The following SMPD3 variants were observed in gnomAD, a reference collection of about 807,000 sequenced individuals.
SMPD3 encodes sphingomyelin phosphodiesterase 3, also known as nSMase-2.
In SMPD3, 21 loss-of-function variants were observed where a neutral mutation model predicts 55.7. The observed-to-expected ratio is 0.38, with a 90% CI of 0.27 to 0.54. The LOEUF (loss-of-function observed/expected upper bound fraction) is 0.54. Ranked by LOEUF, SMPD3 falls within the 20% of genes least tolerant of loss-of-function variation. The probability of loss-of-function intolerance (pLI) is 0.80; values close to 1 mark genes in which losing one functional copy is unlikely to be tolerated. For missense variants in SMPD3, 842 were observed against 899.6 expected (o/e 0.94, Z 0.82); for synonymous variants, 457 against 404.3 (o/e 1.13, Z -1.56).
chr16:68,397,329 G>A (rs1048680870), intron 1 of SMPD3, among the ~76,000 whole-genome samples: 2 of 152,212 alleles, frequency 1.3e-5, no homozygotes, highest in African/African-American at 2.4e-5. Context: ...ACACTGGAGT[G>A]TGAATTCATC....
At chr16:68,428,153 G>A (rs968687116) in intron 1 of SMPD3, among the ~76,000 whole-genome samples, 4 of 152,192 alleles carry the variant, frequency 2.6e-5, no homozygotes, top group Non-Finnish European at 4.4e-5. Flanking sequence ...AAACATCATG[G>A]AGACAAACTC....
chr16:68,431,760 A>G (rs1325093189), intron 1 of SMPD3, among the ~76,000 whole-genome samples: 2 of 152,170 alleles, frequency 1.3e-5, no homozygotes, highest in Non-Finnish European at 2.9e-5. Flanking sequence ...TGTCTCTACT[A>G]AAAATACAAA....
rs556205572 is a variant in SMPD3 at position 68,361,074 on chromosome 16, C to A, written c.*132G>T. On this transcript the variant is annotated 3_prime_UTR_variant, in exon 9 of 9. Transcript: ENST00000219334. ...CAGAGCAGCGCAGCTTCCAGGTTCC[C>A]GGGCACTGACTGTGGCTCCCTCCCT... The A allele has an allele frequency of 2.5e-6, 2 of 803,018 alleles. No homozygotes were observed. Among genetic ancestry groups the A allele is most frequent in the East Asian group, 5.4e-5 (2 of 37,146 alleles). 49.7% of individuals were successfully genotyped at this position (803,018 alleles called of 1,614,324 possible).
At chr16:68,391,299 A>G (rs2090109067) in intron 1 of SMPD3, among the ~76,000 whole-genome samples, 1 of 152,210 alleles carries the variant, frequency 6.6e-6, no homozygotes, top group Admixed American at 6.5e-5. Flanking sequence ...GAAGAAGATG[A>G]AGTTGAAGAT....
Position 68,372,239 on chromosome 16 carries a change from G to A in SMPD3, c.-58C>T. On this transcript the variant is annotated 5_prime_UTR_variant, in exon 3 of 9. Coordinates refer to ENST00000219334, the MANE Select transcript of SMPD3 (RefSeq NM_018667.4). Reference sequence around the variant, plus strand: ...TACATGGTGTCCGTGGCAGCTGCGGGCACTTTCCTGGGCGAGGGTGGGCGA... The same window carrying A: ...TACATGGTGTCCGTGGCAGCTGCGGACACTTTCCTGGGCGAGGGTGGGCGA... The A allele has an allele frequency of 6.3e-7, 1 of 1,580,660 alleles. No homozygotes were observed. Among genetic ancestry groups the A allele is most frequent in the Non-Finnish European group, 8.6e-7 (1 of 1,164,714 alleles).
intron 1 of SMPD3, among the ~76,000 whole-genome samples, chr16:68,418,629 A>G (rs987294672): frequency 6.6e-6 from 1 of 152,200 alleles, no homozygotes; most frequent in Admixed American, 6.5e-5. Context: ...GGAGGATTCA[A>G]TGCATTTTAT....
rs549443646 is a variant in SMPD3, at chr16:68,430,013, C to T, written c.-269+18340G>A. On this transcript the variant is annotated intron_variant, in intron 1 of 8. Coordinates refer to ENST00000219334, the MANE Select transcript of SMPD3 (RefSeq NM_018667.4). ...ATGAGGAGTCCCCTCTGGAGCAAGC[C>T]GTCCAGGCCCTTCTGTCGCTGCACC... 1.2e-4 allele frequency among the ~76,000 whole-genome samples: 19 copies of T among 152,306 alleles called. No homozygotes were observed. In the South Asian group the frequency reaches 2.9e-3, roughly 23 times the overall value.
chr16:68,394,359 A>C (rs1213157984), intron 1 of SMPD3, among the ~76,000 whole-genome samples: 1 of 152,132 alleles, frequency 6.6e-6, no homozygotes, highest in Non-Finnish European at 1.5e-5. Context: ...GTTTCTGTTA[A>C]TGCCAATTAC....
intron 2 of SMPD3, among the ~76,000 whole-genome samples, chr16:68,386,268 A>G (rs958400375): frequency 9.9e-5 from 15 of 151,814 alleles, no homozygotes; most frequent in African/African-American, 3.4e-4. Context: ...ATCTGGTTAC[A>G]TTTTTCAGGA....
At chr16:68,440,358 C>T (rs1243143370) in intron 1 of SMPD3, among the ~76,000 whole-genome samples, 1 of 152,120 alleles carries the variant, frequency 6.6e-6, no homozygotes, top group East Asian at 1.9e-4. Context: ...CACCACCATG[C>T]CTGGCAAATA....
Position 68,361,622 on chromosome 16 carries a change from A to G in SMPD3, c.1847T>C (p.Leu616Pro). ...IDYMLHAEEGLCPDWKAEVEE... is the reference protein window; with the variant it reads ...IDYMLHAEEGPCPDWKAEVEE... ...ACTCACGGCCTTCCAGTCTGGGCAC[A>G]GCCCCTCCTCTGCATGCAGCATGTA... Residue 616 changes from leucine to proline, a missense_variant, in exon 8 of 9, where the codon CTG (leucine) becomes CCG (proline). Leu to Pro is a moderately conservative substitution (Grantham distance 98). Transcript: ENST00000219334. 6.2e-7 allele frequency: 1 copy of G among 1,609,528 alleles called. No homozygotes were observed.
At chr16:68,440,215 TGA>T (rs1250231696) in intron 1 of SMPD3, among the ~76,000 whole-genome samples, 3 of 152,236 alleles carry the variant, frequency 2.0e-5, no homozygotes, top group African/African-American at 7.2e-5. Context: ...ATTGTTTTTT[TGA>T]GACGGTCTCA....
chr16:68,371,324 G>T lies in SMPD3; in HGVS notation c.858C>A (p.Asp286Glu). 1 of 1,596,892 alleles carries T rather than the reference G, an allele frequency of 6.3e-7. No homozygotes were observed. Among genetic ancestry groups the T allele is most frequent in the Non-Finnish European group, 8.5e-7 (1 of 1,178,312 alleles). The change falls in exon 3 of 9, where the codon GAC becomes GAA. Residue 286 changes from aspartate (D) to glutamate (E), a missense_variant. Physicochemically the swap from Asp to Glu is conservative, Grantham distance 45. Around this residue, in one of 2 missense-constraint regions of SMPD3, gnomAD observed 649 missense variants for 643.6 expected, o/e 1.01. Coordinates refer to ENST00000219334, the MANE Select transcript of SMPD3 (RefSeq NM_018667.4). Reference protein sequence around the residue: ...RGQTPNHNQQDGDSGSLGSPS... With the variant: ...RGQTPNHNQQEGDSGSLGSPS... ...GGCTGCCCAGGCTCCCTGAATCCCC[G>T]TCCTGCTGATTATGGTTGGGCGTCT...
At chr16:68,375,448 CCA>C (rs1458141173) in intron 2 of SMPD3, among the ~76,000 whole-genome samples, 4 of 152,332 alleles carry the variant, frequency 2.6e-5, no homozygotes, top group East Asian at 3.9e-4. Flanking sequence ...GGCTGCTATT[CCA>C]CAGTGTGGCC....
intron 1 of SMPD3, among the ~76,000 whole-genome samples, chr16:68,442,872 G>A (rs2090578466): frequency 2.0e-5 from 3 of 152,206 alleles, no homozygotes; most frequent in African/African-American, 7.2e-5. Flanking sequence ...GCTTCCAAGC[G>A]CCCTCGGGAA....
rs1199306146 is a variant in SMPD3, at chr16:68,371,431, C to T, written c.751G>A (p.Glu251Lys). 2.5e-6 allele frequency: 4 copies of T among 1,577,456 alleles called. No individual in the cohort carries two copies. The highest frequency in any genetic ancestry group is 3.4e-6 in the Non-Finnish European group (4 of 1,169,714). ...TCAGCTTCAGGTGGCCGGCCGCCCT[C>T]CTCGCCACCGATGCGCACGATGCAG... is the stretch of plus-strand genomic sequence containing the variant. ...DACIVRIGGEEGGRPPEADDP... is the reference protein window; with the variant it reads ...DACIVRIGGEKGGRPPEADDP... Residue 251 changes from glutamate to lysine, a missense_variant, in exon 3 of 9, where the codon GAG (glutamate) becomes AAG (lysine). Around this residue, in one of 2 missense-constraint regions of SMPD3, gnomAD observed 649 missense variants for 643.6 expected, o/e 1.01. Coordinates refer to ENST00000219334, the MANE Select transcript of SMPD3 (RefSeq NM_018667.4).
intron 1 of SMPD3, among the ~76,000 whole-genome samples, chr16:68,389,439 G>A (rs921228215): frequency 1.3e-5 from 2 of 152,236 alleles, no homozygotes; most frequent in Non-Finnish European, 2.9e-5. Flanking sequence ...CCTTTCCTTT[G>A]TAGCAGAACC....
At chr16:68,362,004 C>G (rs1468908998) in intron 7 of SMPD3, among the ~76,000 whole-genome samples, 17 of 152,232 alleles carry the variant, frequency 1.1e-4, no homozygotes, top group Admixed American at 1.1e-3. Context: ...CCGCCCCAGC[C>G]TGGCCAGCAC....
chr16:68,400,708 C>T (rs894639994), intron 1 of SMPD3, among the ~76,000 whole-genome samples: 3 of 152,196 alleles, frequency 2.0e-5, no homozygotes, highest in Non-Finnish European at 4.4e-5. Context: ...CTTGATCTGC[C>T]ATGGTTGTGC....
Sources: allele counts gnomAD v4.1 joint callset (sites outside exome capture counted in the v4.1 genomes callset), GRCh38; gene constraint gnomAD v4.1.1; regional missense constraint gnomAD v4.1.1; transcripts MANE v1.5; gene names NCBI Gene and HGNC (gene_info 2026-07-23, HGNC 2026-07-21).